The following INPP5D variants were observed in gnomAD, a reference collection of about 807,000 sequenced individuals.
INPP5D encodes the protein inositol polyphosphate-5-phosphatase D.
A neutral mutation model predicts 122.9 loss-of-function variants in INPP5D; 33 were observed. The ratio of observed to expected loss-of-function variants is 0.27; its 90% CI spans 0.20 to 0.36. The LOEUF (loss-of-function observed/expected upper bound fraction) is 0.36. Among genes scored for constraint, INPP5D ranks in the 10% least tolerant of loss-of-function variants. The probability of loss-of-function intolerance (pLI) is 1.00; values close to 1 mark genes in which losing one functional copy is unlikely to be tolerated. For synonymous variants in INPP5D, 584 were observed against 576.2 expected, an observed-to-expected ratio of 1.01 and a Z score of -0.19; for missense variants, 1,053 against 1,412.7, an observed-to-expected ratio of 0.75 and a Z score of 4.08.
chr2:233,201,032 G>T (rs572706557), intron 25 of INPP5D, among the ~76,000 whole-genome samples: 1 of 151,968 alleles, frequency 6.6e-6, no homozygotes, highest in African/African-American at 2.4e-5. Flanking sequence ...GTCAGGAAGA[G>T]AGAGAGAAAA....
intron 25 of INPP5D, 136 bp downstream of exon 25, chr2:233,198,512 C>T (rs1695245512): frequency 1.5e-5 from 20 of 1,356,246 alleles, no homozygotes; most frequent in Non-Finnish European, 2.0e-5. Flanking sequence ...TCCCTGGGGC[C>T]TGAACACAGC....
At chr2:233,071,490 C>T (rs1691382950) in intron 1 of INPP5D, among the ~76,000 whole-genome samples, 1 of 151,974 alleles carries the variant, frequency 6.6e-6, no homozygotes, top group Admixed American at 6.6e-5. Flanking sequence ...ATTATACCAC[C>T]TAATTTTATA....
chr2:233,079,443 A>C, intron 2 of INPP5D, 45 bp downstream of exon 2: 1 of 1,188,542 alleles, frequency 8.4e-7, no homozygotes, highest in South Asian at 1.2e-5. Flanking sequence ...ACTTCAGCCG[A>C]TACTGGCAGA....
At chr2:233,181,098 T>A (rs1489135437) in intron 18 of INPP5D, among the ~76,000 whole-genome samples, 1 of 152,178 alleles carries the variant, frequency 6.6e-6, no homozygotes, top group Non-Finnish European at 1.5e-5. Flanking sequence ...CTATTCCTTC[T>A]CCACTACCAA....
At chr2:233,114,310 G>A (rs1488194794) in intron 2 of INPP5D, among the ~76,000 whole-genome samples, 4 of 152,192 alleles carry the variant, frequency 2.6e-5, no homozygotes, top group African/African-American at 9.6e-5. Flanking sequence ...CTTCACCCAC[G>A]TGGGGCCCTA....
intron 1 of INPP5D, among the ~76,000 whole-genome samples, chr2:233,063,795 G>A (rs55927843): frequency 0.037 from 5,581 of 152,324 alleles, 335 homozygotes; most frequent in African/African-American, 0.12. Context: ...TCAGCCAGGG[G>A]CTCTTCTAAG....
intron 26 of INPP5D, chr2:233,205,770 A>G (rs1265039850): frequency 6.6e-6 from 1 of 152,008 alleles, no homozygotes; most frequent in Non-Finnish European, 1.5e-5. Flanking sequence ...TTTGAGCAAA[A>G]CTAACAGTGA....
chr2:233,166,371 A>T (rs1474940341), intron 13 of INPP5D, among the ~76,000 whole-genome samples: 3 of 152,226 alleles, frequency 2.0e-5, no homozygotes, highest in Non-Finnish European at 4.4e-5. Context: ...TGTGGACCTG[A>T]CACACATTGC....
intron 6 of INPP5D, chr2:233,145,935 G>T (rs1378978675): frequency 1.5e-6 from 1 of 676,542 alleles, no homozygotes; most frequent in Non-Finnish European, 2.7e-6. Context: ...CGGGGGAGAG[G>T]CAGATTTACA....
At chr2:233,110,586 T>C (rs1165344648) in intron 2 of INPP5D, among the ~76,000 whole-genome samples, 1 of 152,164 alleles carries the variant, frequency 6.6e-6, no homozygotes, top group Non-Finnish European at 1.5e-5. Context: ...CTAGGTTACA[T>C]AGGCTGATTT....
At chr2:233,146,273 G>T in intron 7 of INPP5D, 31 bp downstream of exon 7, 2 of 704,244 alleles carry the variant, frequency 2.8e-6, no homozygotes, top group Non-Finnish European at 2.6e-6. Flanking sequence ...GCTTCTCTTG[G>T]TCTCCTCTTT....
chr2:233,108,249 C>A (rs1692518492), intron 2 of INPP5D, among the ~76,000 whole-genome samples: 1 of 152,218 alleles, frequency 6.6e-6, no homozygotes, highest in Admixed American at 6.5e-5. Flanking sequence ...TCACTATCAT[C>A]CAGCTAGAGA....
At chr2:233,117,090 T>C (rs1692823092) in intron 2 of INPP5D, among the ~76,000 whole-genome samples, 2 of 152,160 alleles carry the variant, frequency 1.3e-5, no homozygotes, top group African/African-American at 4.8e-5. Flanking sequence ...CCGGTAACCA[T>C]TGCGGGGATC....
intron 21 of INPP5D, among the ~76,000 whole-genome samples, chr2:233,186,673 T>C (rs1199934580): frequency 2.2e-5 from 3 of 134,476 alleles, no homozygotes; most frequent in Non-Finnish European, 3.2e-5. Flanking sequence ...TTTTTTTTTC[T>C]TTTTCTCTTT....
At position 233,121,944 on chromosome 2, in the gene INPP5D, A is replaced by G. The variant is rs565739388; in HGVS notation, c.199-163A>G. On this transcript the variant is annotated intron_variant, in intron 2 of 26. Coordinates refer to ENST00000445964, the MANE Select transcript of INPP5D (RefSeq NM_001017915.3). ...TGGCAGCTGCTGGTTGCAGGATGTGAGGTGTGGGCATGAGGGTCACACACC... is the reference window on the plus strand; with the variant it reads ...TGGCAGCTGCTGGTTGCAGGATGTGGGGTGTGGGCATGAGGGTCACACACC... 2.4e-4 allele frequency among the ~76,000 whole-genome samples: 37 copies of G among 152,290 alleles called. No homozygotes were observed. The South Asian group carries it at 7.7e-3, about 32-fold the overall frequency.
intron 24 of INPP5D, among the ~76,000 whole-genome samples, chr2:233,196,786 CT>C (rs1695195345): frequency 6.6e-6 from 1 of 152,130 alleles, no homozygotes; most frequent in Non-Finnish European, 1.5e-5. Context: ...GCAGACATAG[CT>C]TGTTCCTCTC....
rs1470493793 is a variant in INPP5D at position 233,082,212 on chromosome 2, A to G, written c.198+2814A>G. 6.6e-6 allele frequency among the ~76,000 whole-genome samples: 1 copy of G among 152,206 alleles called. No individual in the cohort carries two copies. The highest frequency in any genetic ancestry group is 2.4e-5 in the African/African-American group (1 of 41,450). On this transcript the variant is annotated intron_variant, in intron 2 of 26. Transcript: ENST00000445964. The surrounding 1 kb of genome is among the most constrained non-coding windows in gnomAD (Gnocchi z 4.7). ...AGGGGAATTCTCATAGGATTCTCCC[A>G]GGTGGACTCACCTTCGAAAATCTAC...
intron 9 of INPP5D, among the ~76,000 whole-genome samples, chr2:233,154,955 C>T (rs1380773314): frequency 4.6e-5 from 7 of 152,186 alleles, no homozygotes; most frequent in East Asian, 1.9e-4. Flanking sequence ...ACCGTTGTCA[C>T]GGAGGCCTGA....
chr2:233,139,466 CTGTGTGTGTGTGTGTGTGTG>C (rs1191977468), intron 5 of INPP5D, among the ~76,000 whole-genome samples: 2 of 147,554 alleles, frequency 1.4e-5, no homozygotes, highest in East Asian at 2.0e-4. Flanking sequence ...TTGTTAACAC[CTGTGTGTGTGTGTGTGTGTG>C]TGTGTGTGTG....
Sources: gnomAD v4.1 joint callset for allele counts (sites outside exome capture counted in the v4.1 genomes callset) on GRCh38, gnomAD v4.1.1 for gene constraint, Gnocchi (gnomAD v3.1) non-coding constraint, MANE v1.5 for transcripts, NCBI Gene and HGNC (gene_info 2026-07-23, HGNC 2026-07-21) for gene names.